KCNH1: variants seen among roughly 807,000 people sequenced by gnomAD.
KCNH1 encodes the protein voltage-gated delayed rectifier potassium channel KCNH1.
KCNH1 carries 27 observed loss-of-function variants against 69.2 expected under a neutral mutation model. That is an observed-to-expected ratio of 0.39 (90% CI 0.29 to 0.54). The LOEUF (loss-of-function observed/expected upper bound fraction) is 0.54, where lower values mean the gene tolerates loss of function less well. Among genes scored for constraint, KCNH1 ranks in the 20% least tolerant of loss-of-function variants. The pLI is 0.68. For missense variants in KCNH1, 798 were observed against 1,261.6 expected, an observed-to-expected ratio of 0.63 and a Z score of 5.57; for synonymous variants, 456 against 487.7, an observed-to-expected ratio of 0.93 and a Z score of 0.86.
At position 210,683,380 on chromosome 1, in the gene KCNH1, T is replaced by A. The variant is rs1167247826; in HGVS notation, c.2871A>T (p.Ile957=). 1 of 1,614,058 alleles carries A rather than the reference T, an allele frequency of 6.2e-7. No individual in the cohort carries two copies. The highest frequency in any genetic ancestry group is 1.3e-5 in the African/African-American group (1 of 74,934). Residue 957 remains isoleucine (I), a synonymous_variant, in exon 11 of 11, where the codon ATA becomes ATT. Coordinates refer to ENST00000271751, the MANE Select transcript of KCNH1 (RefSeq NM_172362.3). The surrounding 1 kb of genome is among the most constrained non-coding windows in gnomAD (Gnocchi z 5.7). ...IEKQLSEILR[I]LTSRRSSQSP... is the part of the protein sequence containing the mutation. Reference sequence around the variant, plus strand: ...ACTGAGAGGATCTTCTGGAAGTTAATATCCTGAGTATCTCAGAGAGCTGTT... The same window carrying A: ...ACTGAGAGGATCTTCTGGAAGTTAAAATCCTGAGTATCTCAGAGAGCTGTT...
intron 7 of KCNH1, among the ~76,000 whole-genome samples, chr1:210,817,936 C>T (rs1045451149): frequency 6.6e-6 from 1 of 152,134 alleles, no homozygotes; most frequent in Non-Finnish European, 1.5e-5. Context: ...CATCCCTGGC[C>T]TCTATCTACT....
intron 7 of KCNH1, among the ~76,000 whole-genome samples, chr1:210,884,713 T>G (rs1686566058): frequency 6.6e-6 from 1 of 152,150 alleles, no homozygotes; most frequent in Non-Finnish European, 1.5e-5. Context: ...AGGCAGTCAC[T>G]CCCCTACCAA....
At chr1:210,961,631 G>T (rs1032485053) in intron 6 of KCNH1, among the ~76,000 whole-genome samples, 7 of 151,838 alleles carry the variant, frequency 4.6e-5, no homozygotes, top group Non-Finnish European at 1.0e-4. Context: ...ACCTGAGGTC[G>T]GGAGTTCAAG....
chr1:210,928,031 C>A (rs1386177079), intron 6 of KCNH1, among the ~76,000 whole-genome samples: 1 of 152,064 alleles, frequency 6.6e-6, no homozygotes, highest in Non-Finnish European at 1.5e-5. Context: ...AATATATATG[C>A]ACCTAAAACT....
At chr1:210,716,457 C>A (rs1325375712) in intron 10 of KCNH1, among the ~76,000 whole-genome samples, 8 of 123,944 alleles carry the variant, frequency 6.5e-5, no homozygotes, top group African/African-American at 3.0e-4. Flanking sequence ...AAGCATGTTA[C>A]ACAACCATCT....
chr1:210,799,178 G>A (rs1312272915), intron 8 of KCNH1, among the ~76,000 whole-genome samples: 1 of 152,038 alleles, frequency 6.6e-6, no homozygotes, highest in Non-Finnish European at 1.5e-5. Context: ...ACTGTTACAT[G>A]CATTTGCTAA....
chr1:210,688,311 G>T (rs781438106), intron 10 of KCNH1, among the ~76,000 whole-genome samples: 1 of 152,150 alleles, frequency 6.6e-6, no homozygotes, highest in African/African-American at 2.4e-5. Flanking sequence ...AACTGAAGGG[G>T]ACCTCTTGTC....
chr1:211,009,649 C>T (rs1689356865), intron 6 of KCNH1, among the ~76,000 whole-genome samples: 1 of 151,650 alleles, frequency 6.6e-6, no homozygotes, highest in Non-Finnish European at 1.5e-5. Flanking sequence ...CGCTCTGTCA[C>T]CCAGGCTGGA....
intron 7 of KCNH1, among the ~76,000 whole-genome samples, chr1:210,824,812 A>C (rs951894547): frequency 6.6e-6 from 1 of 152,176 alleles, no homozygotes; most frequent in African/African-American, 2.4e-5. Flanking sequence ...TTTCATGCTC[A>C]TTGGTCTTAG....
At chr1:210,761,249 C>CAAAAAAAA (rs58988658) in intron 10 of KCNH1, among the ~76,000 whole-genome samples, 1 of 37,090 alleles carries the variant, frequency 2.7e-5, no homozygotes, top group African/African-American at 1.1e-4. Context: ...GAGACTCCGT[C>CAAAAAAAA]AAAAAAAAAA....
At position 211,000,828 on chromosome 1, in the gene KCNH1, G is replaced by C. The variant is rs540621799; in HGVS notation, c.1032+17955C>G. Among the ~76,000 whole-genome samples the C allele has an allele frequency of 5.3e-5, 8 of 152,204 alleles. No individual in the cohort carries two copies. The South Asian group carries it at 8.3e-4, about 16-fold the overall frequency. The stretch of plus-strand genomic sequence containing the variant: ...ACCAAAACAGAGATATAGATCAATG[G>C]AACAGAACAGAGCCCTCAGAAATAA... On this transcript the variant is annotated intron_variant, in intron 6 of 10. Transcript: ENST00000271751.
chr1:210,865,500 G>A (rs1433867857), intron 7 of KCNH1, among the ~76,000 whole-genome samples: 1 of 152,044 alleles, frequency 6.6e-6, no homozygotes, highest in Non-Finnish European at 1.5e-5. Context: ...TTCTAGGGCA[G>A]TAGGAATAAG....
intron 5 of KCNH1, among the ~76,000 whole-genome samples, chr1:211,065,915 AGGCATGGT>A (rs1690520821): frequency 6.6e-6 from 1 of 152,012 alleles, no homozygotes; most frequent in South Asian, 2.1e-4. Context: ...TGGAAAAATT[AGGCATGGT>A]GGCATGTACC....
At chr1:211,006,565 G>T (rs1347885960) in intron 6 of KCNH1, among the ~76,000 whole-genome samples, 1 of 148,776 alleles carries the variant, frequency 6.7e-6, no homozygotes, top group South Asian at 2.1e-4. Context: ...GACTAGGAAC[G>T]ATGAGGGATG....
At chr1:211,003,801 C>T (rs922354150) in intron 6 of KCNH1, among the ~76,000 whole-genome samples, 1 of 151,876 alleles carries the variant, frequency 6.6e-6, no homozygotes, top group Non-Finnish European at 1.5e-5. Context: ...ATTCAAATTA[C>T]CTAAAGAAAA....
chr1:210,917,480 A>G (rs1439770058), intron 7 of KCNH1, among the ~76,000 whole-genome samples: 1 of 152,166 alleles, frequency 6.6e-6, no homozygotes, highest in Non-Finnish European at 1.5e-5. Context: ...TTTGGGGAAA[A>G]CAAAAAAACA....
rs1334337205 is a variant in KCNH1, at chr1:211,057,579, C to T, written c.558+25201G>A. Among the ~76,000 whole-genome samples, 8 of 152,072 alleles carry T rather than the reference C, an allele frequency of 5.3e-5. No homozygotes were observed. In the East Asian group the frequency reaches 1.4e-3, roughly 26 times the overall value. On this transcript the variant is annotated intron_variant, in intron 5 of 10. Coordinates refer to ENST00000271751, the MANE Select transcript of KCNH1 (RefSeq NM_172362.3). ...GCTCGAGCCCAGGAGGTTAAGGTTG[C>T]AGTGAGCCATGATTGTGCCACTGCA...
At chr1:210,760,122 C>T (rs139109606) in intron 10 of KCNH1, among the ~76,000 whole-genome samples, 91 of 152,230 alleles carry the variant, frequency 6.0e-4, no homozygotes, top group African/African-American at 2.0e-3. Flanking sequence ...GAAAAATTGT[C>T]TTCCATAAAA....
At chr1:211,116,493 C>T (rs1217056450) in intron 1 of KCNH1, among the ~76,000 whole-genome samples, 1 of 152,206 alleles carries the variant, frequency 6.6e-6, no homozygotes, top group East Asian at 1.9e-4. Context: ...TACCTTTCCA[C>T]ACCTGGGGTT....
Sources: gnomAD v4.1 joint callset for allele counts (sites outside exome capture counted in the v4.1 genomes callset) on GRCh38, gnomAD v4.1.1 for gene constraint, Gnocchi (gnomAD v3.1) non-coding constraint, MANE v1.5 for transcripts, NCBI Gene and HGNC (gene_info 2026-07-23, HGNC 2026-07-21) for gene names.